CAB39L: variants seen among roughly 807,000 people sequenced by gnomAD.
CAB39L encodes the protein calcium-binding protein 39-like.
CAB39L carries 23 observed loss-of-function variants against 39.1 expected under a neutral mutation model. That is an observed-to-expected ratio of 0.59 (90% CI 0.42 to 0.83). The LOEUF (loss-of-function observed/expected upper bound fraction) is 0.83, where lower values mean the gene tolerates loss of function less well. Among genes scored for constraint, CAB39L ranks in the 40% least tolerant of loss-of-function variants. CAB39L has a pLI of 0.00. For synonymous variants in CAB39L, 126 were observed against 137.2 expected, an observed-to-expected ratio of 0.92 and a Z score of 0.57; for missense variants, 366 against 391.9, an observed-to-expected ratio of 0.93 and a Z score of 0.56.
rs77990369 is a variant in CAB39L at position 49,331,885 on chromosome 13, T to C, written c.834+62A>G. On this transcript the variant is annotated intron_variant, in intron 10 of 10. Coordinates refer to ENST00000409308, the MANE Select transcript of CAB39L (RefSeq NM_001079670.3). ...GAAGGAGAGTAAAGAGCAGGGAGTT[T>C]GCCATTTGGAACTGGAAAAAAAATT... 6.2e-4 allele frequency: 924 copies of C among 1,496,214 alleles called. 3 individuals are homozygous for C. In the African/African-American group the frequency reaches 0.012, roughly 20 times the overall value. The allele number at this position is 1,496,214 out of a possible 1,614,324, so 92.7% of individuals were successfully genotyped here.
intron 8 of CAB39L, among the ~76,000 whole-genome samples, chr13:49,340,743 C>T (rs1279176727): frequency 1.3e-5 from 2 of 152,076 alleles, no homozygotes; most frequent in Admixed American, 1.3e-4. Context: ...GACCTACTCC[C>T]GAGTCCACCA....
At chr13:49,392,390 G>C (rs1392435713) in intron 3 of CAB39L, among the ~76,000 whole-genome samples, 2 of 152,078 alleles carry the variant, frequency 1.3e-5, no homozygotes, top group East Asian at 3.8e-4. Context: ...TGTAATCCCA[G>C]CACTCTGGGA....
intron 4 of CAB39L, among the ~76,000 whole-genome samples, chr13:49,379,850 T>TTG (rs1956215335): frequency 6.6e-6 from 1 of 151,586 alleles, no homozygotes; most frequent in Non-Finnish European, 1.5e-5. Context: ...TAATCTTTTT[T>TTG]TTTTTTTTTT....
Position 49,329,543 on chromosome 13 carries a change from AAATATATATAT to A in CAB39L, c.834+2393_834+2403del, listed in dbSNP as rs1329841378. Reference sequence around the variant, plus strand: ...TACATATCTCTTCAATTAAAAAAAAAAATATATATATATATATATATATATATATATATATA... The same window carrying A: ...TACATATCTCTTCAATTAAAAAAAAAATATATATATATATATATATATATA... On this transcript the variant is annotated intron_variant, in intron 10 of 10. Transcript: ENST00000409308. Among the ~76,000 whole-genome samples the A allele has an allele frequency of 2.0e-3, 66 of 33,422 alleles. 5 individuals carry two copies. The highest frequency in any genetic ancestry group is 3.6e-3 in the South Asian group (3 of 824). The allele number at this position is 33,422 out of a possible 152,430, so 21.9% of individuals were successfully genotyped here. A position where few individuals can be genotyped will look rare whatever the true frequency, so the allele number is the denominator to read the frequency against.
Position 49,310,982 on chromosome 13 carries a change from G to A in CAB39L, c.846C>T (p.Ala282=). 6.2e-7 allele frequency: 1 copy of A among 1,613,166 alleles called. No homozygotes were observed. Residue 282 remains alanine, a synonymous_variant, in exon 11 of 11, where the codon GCC becomes GCT. Coordinates refer to ENST00000409308, the MANE Select transcript of CAB39L (RefSeq NM_001079670.3). ...CAATAGGCTGTGTTTTGTGAGGACTGGCCACAAACACCTGAAACAAAAAGA... is the reference window on the plus strand; with the variant it reads ...CAATAGGCTGTGTTTTGTGAGGACTAGCCACAAACACCTGAAACAAAAAGA... ...EAFHVFKVFV[A]SPHKTQPIVE... is the part of the protein sequence containing the mutation.
At chr13:49,405,223 T>G (rs184320012) in intron 3 of CAB39L, among the ~76,000 whole-genome samples, 30 of 152,106 alleles carry the variant, frequency 2.0e-4, no homozygotes, top group African/African-American at 7.0e-4. Context: ...CCAACACATC[T>G]GGCAACAGAT....
chr13:49,310,890 G>T lies in CAB39L; in HGVS notation c.938C>A (p.Thr313Lys), dbSNP rs145546637. 3 of 1,614,066 alleles carry T rather than the reference G, an allele frequency of 1.9e-6. No homozygotes were observed. The highest frequency in any genetic ancestry group is 2.5e-6 in the Non-Finnish European group (3 of 1,179,998). ...EFLSSFQKER[T>K]DDEQFADEKN... ...CTCGTCAGCGAACTGCTCATCATCC[G>T]TCCTTTCTTTTTGGAAGCTGCTCAG... The change falls in exon 11 of 11, where the codon ACG becomes AAG. Residue 313 changes from threonine to lysine, a missense_variant. Thr to Lys is a moderately conservative substitution (Grantham distance 78). Coordinates refer to ENST00000409308, the MANE Select transcript of CAB39L (RefSeq NM_001079670.3).
At chr13:49,438,350 T>C (rs759561205) in intron 1 of CAB39L, among the ~76,000 whole-genome samples, 3 of 152,224 alleles carry the variant, frequency 2.0e-5, no homozygotes, top group Non-Finnish European at 2.9e-5. Context: ...TATTCTATCA[T>C]CATTATCCTC....
At chr13:49,346,097 C>CATATATA (rs1955153477) in intron 7 of CAB39L, among the ~76,000 whole-genome samples, 1 of 8,694 alleles carries the variant, frequency 1.2e-4, no homozygotes, top group East Asian at 6.2e-3. Context: ...TATATATATG[C>CATATATA]TAGATATATA....
At chr13:49,389,521 C>A (rs2138615549) in intron 3 of CAB39L, among the ~76,000 whole-genome samples, 1 of 151,934 alleles carries the variant, frequency 6.6e-6, no homozygotes, top group East Asian at 1.9e-4. Context: ...GGCACCTATA[C>A]TCCCAGCTAC....
chr13:49,441,524 G>C (rs1957523506), intron 1 of CAB39L, among the ~76,000 whole-genome samples: 1 of 151,980 alleles, frequency 6.6e-6, no homozygotes, highest in African/African-American at 2.4e-5. Flanking sequence ...CTGTGATCAT[G>C]CCACTGTATT....
chr13:49,364,144 C>T (rs1407855841), intron 5 of CAB39L, among the ~76,000 whole-genome samples: 3 of 152,098 alleles, frequency 2.0e-5, no homozygotes, highest in Non-Finnish European at 4.4e-5. Context: ...TATATATGCA[C>T]CAAACACTAG....
chr13:49,404,081 T>C (rs1566121145), intron 3 of CAB39L, among the ~76,000 whole-genome samples: 4 of 152,230 alleles, frequency 2.6e-5, no homozygotes, highest in Non-Finnish European at 4.4e-5. Flanking sequence ...CCCAGTACTG[T>C]GCTGGCTTCA....
chr13:49,336,618 G>T (rs1182092918), intron 9 of CAB39L, among the ~76,000 whole-genome samples: 1 of 151,882 alleles, frequency 6.6e-6, no homozygotes, highest in Non-Finnish European at 1.5e-5. Flanking sequence ...GACTCCCATT[G>T]AAAAAAAGGA....
intron 3 of CAB39L, among the ~76,000 whole-genome samples, chr13:49,421,683 T>G (rs184786572): frequency 1.6e-3 from 241 of 151,964 alleles, no homozygotes; most frequent in African/African-American, 5.3e-3. Context: ...CTCCTCTACC[T>G]CCTAATGAGA....
intron 6 of CAB39L, among the ~76,000 whole-genome samples, chr13:49,353,546 T>C (rs542561486): frequency 6.6e-6 from 1 of 152,160 alleles, no homozygotes; most frequent in East Asian, 1.9e-4. Flanking sequence ...CCTTCTTACA[T>C]TCCCACAACT....
At chr13:49,433,667 G>A (rs1957362200) in intron 2 of CAB39L, among the ~76,000 whole-genome samples, 1 of 152,138 alleles carries the variant, frequency 6.6e-6, no homozygotes, top group Non-Finnish European at 1.5e-5. Context: ...GGGCGCTCTA[G>A]TACCTCTGAA....
intron 3 of CAB39L, among the ~76,000 whole-genome samples, chr13:49,430,840 G>C (rs916592561): frequency 6.6e-6 from 1 of 152,104 alleles, no homozygotes; most frequent in Non-Finnish European, 1.5e-5. Context: ...TGTTAATACC[G>C]CAAGTGTCAT....
At chr13:49,415,643 C>T (rs1043766252) in intron 3 of CAB39L, among the ~76,000 whole-genome samples, 9 of 152,082 alleles carry the variant, frequency 5.9e-5, no homozygotes, top group African/African-American at 2.2e-4. Flanking sequence ...CATTATAACC[C>T]CATGTTGAGT....
Sources: gnomAD v4.1 joint callset for allele counts (sites outside exome capture counted in the v4.1 genomes callset) on GRCh38, gnomAD v4.1.1 for gene constraint, MANE v1.5 for transcripts, NCBI Gene and HGNC (gene_info 2026-07-23, HGNC 2026-07-21) for gene names.